The following RBFOX1 variants were observed in gnomAD, a reference collection of about 807,000 sequenced individuals.
RBFOX1 encodes RNA binding protein fox-1 homolog 1.
Under a neutral mutation model 57.7 loss-of-function variants are expected in RBFOX1, and 8 were observed. That is an observed-to-expected ratio of 0.14 (90% confidence interval 0.08 to 0.25). RBFOX1 has a LOEUF of 0.25. RBFOX1 is among the 10% of genes least tolerant of loss of function. RBFOX1 has a pLI of 1.00. For synonymous variants in RBFOX1, 326 were observed against 222.4 expected, an observed-to-expected ratio of 1.47 and a Z score of -4.15; for missense variants, 611 against 548.5, an observed-to-expected ratio of 1.11 and a Z score of -1.14.
chr16:5,537,580 C>T (rs1296455569), intron 2 of RBFOX1, among the ~76,000 whole-genome samples: 1 of 152,198 alleles, frequency 6.6e-6, no homozygotes, highest in Non-Finnish European at 1.5e-5. Context: ...GGTTGTGGGA[C>T]TGAGGTGCCT....
intron 3 of RBFOX1, among the ~76,000 whole-genome samples, chr16:5,861,383 T>C (rs1228004030): frequency 1.3e-5 from 2 of 152,222 alleles, no homozygotes; most frequent in Non-Finnish European, 2.9e-5. Context: ...AAACCACTAC[T>C]CATTCTCCTC....
At chr16:7,075,047 C>T (rs146509258) in intron 4 of RBFOX1, among the ~76,000 whole-genome samples, 35 of 152,168 alleles carry the variant, frequency 2.3e-4, no homozygotes, top group Non-Finnish European at 4.0e-4. Flanking sequence ...CTCCCCAAAG[C>T]GTAAAAGCAA....
intron 4 of RBFOX1, among the ~76,000 whole-genome samples, chr16:7,213,250 T>C (rs1487973591): frequency 6.6e-6 from 1 of 152,132 alleles, no homozygotes; most frequent in Non-Finnish European, 1.5e-5. Context: ...TTTCCCCCTT[T>C]ATCAGTGGTT....
chr16:7,339,157 C>A (rs2145032169), intron 4 of RBFOX1, among the ~76,000 whole-genome samples: 1 of 152,268 alleles, frequency 6.6e-6, no homozygotes, highest in South Asian at 2.1e-4. Context: ...ATTAACCTCA[C>A]CAAGCCTCAG....
chr16:6,252,710 A>G (rs191538558), intron 1 of RBFOX1, among the ~76,000 whole-genome samples: 58 of 152,316 alleles, frequency 3.8e-4, no homozygotes, highest in African/African-American at 1.2e-3. Context: ...TAAATTTGCA[A>G]CAGATATTCA....
intron 2 of RBFOX1, among the ~76,000 whole-genome samples, chr16:6,390,474 TG>T (rs1480206242): frequency 1.3e-5 from 2 of 152,138 alleles, no homozygotes; most frequent in African/African-American, 4.8e-5. Flanking sequence ...GCACTGTGTT[TG>T]TTTCTGGGAA....
At chr16:7,701,751 G>C (rs1037318974) in intron 14 of RBFOX1, among the ~76,000 whole-genome samples, 7 of 152,118 alleles carry the variant, frequency 4.6e-5, no homozygotes, top group African/African-American at 9.7e-5. Flanking sequence ...AACCACAGAG[G>C]AGTATTTCCC....
chr16:5,661,336 T>G (rs1170557177), intron 3 of RBFOX1, among the ~76,000 whole-genome samples: 2 of 152,192 alleles, frequency 1.3e-5, no homozygotes, highest in Non-Finnish European at 2.9e-5. Context: ...CATTTGTGTA[T>G]ATTAAAAGAG....
chr16:6,603,392 T>G (rs1296455402), intron 2 of RBFOX1, among the ~76,000 whole-genome samples: 3 of 152,232 alleles, frequency 2.0e-5, no homozygotes, highest in Non-Finnish European at 4.4e-5. Flanking sequence ...TCTTAAAATT[T>G]AATATGAAGG....
rs802695 is a variant in RBFOX1, at chr16:6,506,584, A to T, written c.-63-148019A>T. The stretch of plus-strand genomic sequence containing the variant: ...TAGTCTAGACTCACCTTTGATGTTG[A>T]ATTTGTCAGTATAAACGGTAATAAC... On this transcript the variant is annotated intron_variant, in intron 2 of 15. Coordinates refer to ENST00000550418, the MANE Select transcript of RBFOX1 (RefSeq NM_018723.4). 3.4e-5 allele frequency among the ~76,000 whole-genome samples: 5 copies of T among 144,928 alleles called. 1 individual carries two copies. Among genetic ancestry groups the T allele is most frequent in the African/African-American group, 1.3e-4 (5 of 39,100 alleles).
chr16:6,811,174 T>G (rs760315042), intron 3 of RBFOX1, among the ~76,000 whole-genome samples: 1 of 152,132 alleles, frequency 6.6e-6, no homozygotes, highest in Admixed American at 6.5e-5. Context: ...TTAAGTGATA[T>G]GAGAGTTTGG....
At chr16:6,618,587 G>A (rs9937761) in intron 2 of RBFOX1, among the ~76,000 whole-genome samples, 33,388 of 152,144 alleles carry the variant, frequency 0.22, 3,858 homozygotes, top group Admixed American at 0.29. Context: ...TTTCGAGGAG[G>A]AGAGAATCAG....
chr16:6,390,587 A>G (rs2092551879), intron 2 of RBFOX1, among the ~76,000 whole-genome samples: 1 of 152,178 alleles, frequency 6.6e-6, no homozygotes, highest in Non-Finnish European at 1.5e-5. Context: ...CATATCAGAT[A>G]GTTATGATTT....
At chr16:7,093,234 C>G (rs1362612875) in intron 4 of RBFOX1, among the ~76,000 whole-genome samples, 3 of 152,146 alleles carry the variant, frequency 2.0e-5, no homozygotes, top group Non-Finnish European at 2.9e-5. Context: ...GAAAATGGCC[C>G]AGCAGACTCT....
chr16:7,408,768 A>T (rs937385621), intron 4 of RBFOX1, among the ~76,000 whole-genome samples: 2 of 152,188 alleles, frequency 1.3e-5, no homozygotes, highest in African/African-American at 4.8e-5. Context: ...ACTTTATGCC[A>T]GTAGCATCCC....
intron 10 of RBFOX1, 149 bp downstream of exon 10, chr16:7,607,487 G>C: frequency 1.3e-6 from 1 of 779,410 alleles, no homozygotes; most frequent in Non-Finnish European, 2.1e-6. Flanking sequence ...AAAATCAAGA[G>C]TGCTTAAAAC....
chr16:7,487,659 C>A (rs144266838), intron 4 of RBFOX1, among the ~76,000 whole-genome samples: 1 of 152,020 alleles, frequency 6.6e-6, no homozygotes, highest in Admixed American at 6.6e-5. Context: ...GCACTGAGAC[C>A]GAGCACCACA....
chr16:6,550,312 G>A (rs1018894525), intron 2 of RBFOX1, among the ~76,000 whole-genome samples: 1 of 152,080 alleles, frequency 6.6e-6, no homozygotes, highest in African/African-American at 2.4e-5. Context: ...AAACAGCTGG[G>A]TCTACAGGTG....
intron 4 of RBFOX1, among the ~76,000 whole-genome samples, chr16:7,414,235 A>G (rs2098457848): frequency 6.6e-6 from 1 of 152,234 alleles, no homozygotes; most frequent in Non-Finnish European, 1.5e-5. Flanking sequence ...AGAAATGGAC[A>G]AAACCGAGTG....
Sources: gnomAD v4.1 joint callset for allele counts (sites outside exome capture counted in the v4.1 genomes callset) on GRCh38, gnomAD v4.1.1 for gene constraint, MANE v1.5 for transcripts, NCBI Gene and HGNC (gene_info 2026-07-23, HGNC 2026-07-21) for gene names.